Variants in CLSTN2 observed in about 807,000 individuals in gnomAD.
CLSTN2 encodes calsyntenin 2.
CLSTN2 carries 48 observed loss-of-function variants against 101.2 expected under a neutral mutation model. The ratio of observed to expected loss-of-function variants is 0.47; its 90% CI spans 0.38 to 0.60. The LOEUF is 0.60. Ranked by LOEUF, CLSTN2 falls within the 20% of genes least tolerant of loss-of-function variation. The pLI is 0.00. For synonymous variants in CLSTN2, 481 were observed against 463.6 expected (o/e 1.04, Z -0.48); for missense variants, 1,160 against 1,238.2 (o/e 0.94, Z 0.95).
chr3:140,353,238 T>TAC (rs1351787476), intron 2 of CLSTN2, among the ~76,000 whole-genome samples: 2 of 105,268 alleles, frequency 1.9e-5, no homozygotes, highest in East Asian at 2.0e-4. Flanking sequence ...TATGTATGTT[T>TAC]ACACATATAT....
intron 4 of CLSTN2, among the ~76,000 whole-genome samples, chr3:140,406,893 T>G (rs1315365236): frequency 6.6e-6 from 1 of 152,254 alleles, no homozygotes; most frequent in Non-Finnish European, 1.5e-5. Flanking sequence ...GAGGGTAAAC[T>G]GCCCCAGTCA....
Position 140,517,146 on chromosome 3 carries a change from TTC to T in CLSTN2, c.1345-15174_1345-15173del, listed in dbSNP as rs558176294. Among the ~76,000 whole-genome samples the T allele has an allele frequency of 9.8e-5, 15 of 152,344 alleles. No homozygotes were observed. The South Asian group carries it at 3.1e-3, about 32-fold the overall frequency. The stretch of plus-strand genomic sequence containing the variant: ...TGAGACTTTCCAGTGTATTTTGCAT[TTC>T]TCTAAGTGTGTCCCTCCTCTCCAAA... On this transcript the variant is annotated intron_variant, in intron 8 of 16. Coordinates refer to ENST00000458420, the MANE Select transcript of CLSTN2 (RefSeq NM_022131.3).
intron 5 of CLSTN2, among the ~76,000 whole-genome samples, chr3:140,441,049 C>A (rs2088758281): frequency 6.6e-6 from 1 of 152,344 alleles, no homozygotes; most frequent in South Asian, 2.1e-4. Flanking sequence ...CTGCCTCCTT[C>A]CAGCTGAATT....
At chr3:140,039,090 T>A (rs1236183275) in intron 1 of CLSTN2, among the ~76,000 whole-genome samples, 1 of 152,204 alleles carries the variant, frequency 6.6e-6, no homozygotes, top group Non-Finnish European at 1.5e-5. Flanking sequence ...CGTTCATTCA[T>A]CCAGTGGTTG....
chr3:140,417,875 C>G (rs1184247999), intron 4 of CLSTN2, among the ~76,000 whole-genome samples: 1 of 152,224 alleles, frequency 6.6e-6, no homozygotes, highest in Non-Finnish European at 1.5e-5. Context: ...AAATTCTGTG[C>G]TTTGAAACTC....
At chr3:139,962,834 C>T (rs1044456207) in intron 1 of CLSTN2, among the ~76,000 whole-genome samples, 1 of 151,990 alleles carries the variant, frequency 6.6e-6, no homozygotes, top group African/African-American at 2.4e-5. Context: ...TTGGTTATTC[C>T]CAATAAAGCT....
chr3:140,439,584 G>A (rs1383961449), intron 5 of CLSTN2, among the ~76,000 whole-genome samples: 1 of 152,182 alleles, frequency 6.6e-6, no homozygotes, highest in Non-Finnish European at 1.5e-5. Context: ...GAATGTCTAG[G>A]GACTAAAAAG....
At chr3:140,473,336 C>T (rs1300950796) in intron 8 of CLSTN2, among the ~76,000 whole-genome samples, 1 of 152,138 alleles carries the variant, frequency 6.6e-6, no homozygotes, top group Non-Finnish European at 1.5e-5. Flanking sequence ...AATAATGGTC[C>T]CCAAAGATGT....
At chr3:140,227,127 C>T (rs2086328853) in intron 2 of CLSTN2, among the ~76,000 whole-genome samples, 1 of 152,206 alleles carries the variant, frequency 6.6e-6, no homozygotes, top group Non-Finnish European at 1.5e-5. Context: ...CTCAAAAGTC[C>T]ACAGTCCAAA....
At chr3:140,003,001 C>T (rs1446664795) in intron 1 of CLSTN2, among the ~76,000 whole-genome samples, 2 of 152,090 alleles carry the variant, frequency 1.3e-5, no homozygotes. Flanking sequence ...TAATGTGATT[C>T]CTCCAGTTTT....
At chr3:140,148,814 C>T (rs2009819593) in intron 1 of CLSTN2, among the ~76,000 whole-genome samples, 1 of 152,116 alleles carries the variant, frequency 6.6e-6, no homozygotes, top group Admixed American at 6.5e-5. Flanking sequence ...GATGAGGAGT[C>T]CCTGAGCAGG....
intron 2 of CLSTN2, among the ~76,000 whole-genome samples, chr3:140,285,142 T>A (rs904256565): frequency 2.0e-5 from 3 of 152,168 alleles, no homozygotes; most frequent in Non-Finnish European, 4.4e-5. Context: ...CCAGTAGAAC[T>A]TTCTGCAATG....
At chr3:139,999,128 C>A (rs933718380) in intron 1 of CLSTN2, among the ~76,000 whole-genome samples, 1 of 152,100 alleles carries the variant, frequency 6.6e-6, no homozygotes, top group African/African-American at 2.4e-5. Flanking sequence ...CCACTTGAGG[C>A]GGTCTGTGGT....
At chr3:140,556,069 G>T (rs1389115462) in intron 10 of CLSTN2, among the ~76,000 whole-genome samples, 1 of 152,186 alleles carries the variant, frequency 6.6e-6, no homozygotes, top group East Asian at 1.9e-4. Context: ...AGAAGATACG[G>T]CATGGGTCAG....
chr3:140,562,007 G>T, intron 12 of CLSTN2, 131 bp from the exon 13 acceptor site: 1 of 682,342 alleles, frequency 1.5e-6, no homozygotes, highest in Non-Finnish European at 2.5e-6. Context: ...TGTGGTATTT[G>T]GGATCACACA....
At chr3:139,991,033 G>C (rs1453141016) in intron 1 of CLSTN2, among the ~76,000 whole-genome samples, 1 of 152,122 alleles carries the variant, frequency 6.6e-6, no homozygotes, top group African/African-American at 2.4e-5. Context: ...GTAAATAATA[G>C]TACAGGTGGC....
chr3:140,383,263 A>G (rs530016600), intron 2 of CLSTN2, among the ~76,000 whole-genome samples: 143 of 152,274 alleles, frequency 9.4e-4, no homozygotes, highest in African/African-American at 3.3e-3. Flanking sequence ...TCATAAGGGG[A>G]TGTCACCTTA....
At position 140,403,775 on chromosome 3, in the gene CLSTN2, T is replaced by A. The variant is rs200193660; in HGVS notation, c.379T>A (p.Tyr127Asn). The change falls in exon 3 of 17, where the codon TAT (tyrosine) becomes AAT (asparagine). Residue 127 changes from tyrosine to asparagine, a missense_variant. Physicochemically the swap from Tyr to Asn is moderately radical, Grantham distance 143 (BLOSUM62 -2). Coordinates refer to ENST00000458420, the MANE Select transcript of CLSTN2 (RefSeq NM_022131.3). ...QKEYTFIIQAYDCGAGPHETA... is the reference protein window; with the variant it reads ...QKEYTFIIQANDCGAGPHETA... ...GGAGTACACATTCATCATCCAGGCC[T>A]ATGACTGTGGTGCTGGGCCCCACGA... 178 of 1,613,970 alleles carry A rather than the reference T, an allele frequency of 1.1e-4. No homozygotes were observed. The highest frequency in any genetic ancestry group is 1.5e-4 in the Non-Finnish European group (174 of 1,179,988).
At chr3:140,067,407 T>C (rs2008317751) in intron 1 of CLSTN2, among the ~76,000 whole-genome samples, 1 of 152,172 alleles carries the variant, frequency 6.6e-6, no homozygotes, top group African/African-American at 2.4e-5. Context: ...TCCCCCATGG[T>C]CTCTGCAGTT....
Sources: gnomAD v4.1 joint callset for allele counts (sites outside exome capture counted in the v4.1 genomes callset) on GRCh38, gnomAD v4.1.1 for gene constraint, MANE v1.5 for transcripts, NCBI Gene and HGNC (gene_info 2026-07-23, HGNC 2026-07-21) for gene names.